CAPN3: variants seen among roughly 807,000 people sequenced by gnomAD.
The protein encoded by CAPN3 is calpain-3.
In CAPN3, 88 loss-of-function variants were observed where a neutral mutation model predicts 114.0. The observed-to-expected ratio is 0.77, with a 90% CI of 0.65 to 0.92. The LOEUF is 0.92. Among genes scored for constraint, CAPN3 ranks in the 40% least tolerant of loss-of-function variants. The pLI is 0.00. For synonymous variants in CAPN3, 386 were observed against 382.9 expected, an observed-to-expected ratio of 1.01 and a Z score of -0.09; for missense variants, 1,028 against 1,069.0, an observed-to-expected ratio of 0.96 and a Z score of 0.53.
intron 1 of CAPN3, among the ~76,000 whole-genome samples, chr15:42,369,151 G>A (rs561819908): frequency 6.6e-6 from 1 of 152,220 alleles, no homozygotes; most frequent in South Asian, 2.1e-4. Context: ...TTGTGGGTTT[G>A]GAATGTCTCT....
At chr15:42,407,595 C>T (rs1258169605) in intron 15 of CAPN3, among the ~76,000 whole-genome samples, 1 of 152,116 alleles carries the variant, frequency 6.6e-6, no homozygotes, top group Non-Finnish European at 1.5e-5. Flanking sequence ...TCCTAAAGTG[C>T]TGGGATTACA....
At chr15:42,389,657 A>G (rs1157152854) in intron 5 of CAPN3, among the ~76,000 whole-genome samples, 2 of 152,194 alleles carry the variant, frequency 1.3e-5, no homozygotes, top group Admixed American at 6.5e-5. Flanking sequence ...CAGTATATTG[A>G]TATGATAATC....
chr15:42,359,819 T>C lies in CAPN3; in HGVS notation c.14T>C (p.Ile5Thr). 1 of 1,613,826 alleles carries C rather than the reference T, an allele frequency of 6.2e-7. No individual in the cohort carries two copies. The change falls in exon 1 of 24, where the codon ATT becomes ACT. Residue 5 changes from isoleucine to threonine, a missense_variant. Physicochemically the swap from Ile to Thr is moderately conservative, Grantham distance 89. Transcript: ENST00000397163. ...AAGCCACTTGCCATGCCGACCGTCATTAGCGCATCTGTGGCTCCAAGGACA... is the reference window on the plus strand; with the variant it reads ...AAGCCACTTGCCATGCCGACCGTCACTAGCGCATCTGTGGCTCCAAGGACA... Reference protein sequence around the residue: MPTVISASVAPRTAA... With the variant: MPTVTSASVAPRTAA...
In CAPN3 at chr15:42,389,113, G is replaced by A; in HGVS notation, c.801+17G>A. The A allele has an allele frequency of 1.2e-6, 2 of 1,613,524 alleles. No homozygotes were observed. The highest frequency in any genetic ancestry group is 8.5e-7 in the Non-Finnish European group (1 of 1,179,694). On this transcript the variant is annotated intron_variant, in intron 5 of 23. Coordinates refer to ENST00000397163, the MANE Select transcript of CAPN3 (RefSeq NM_000070.3). Reference sequence around the variant, plus strand: ...TCCATTGATGTAAGTCTGGGGTGTGGGGCACAGGGTGGGGAGCTCCAAGTG... The same window carrying A: ...TCCATTGATGTAAGTCTGGGGTGTGAGGCACAGGGTGGGGAGCTCCAAGTG...
Position 42,378,716 on chromosome 15 carries a change from C to T in CAPN3, c.310-5767C>T, listed in dbSNP as rs537440210. ...GCTTAAGTATCTCTTCTATAGTGTA[C>T]TAAGATGGAATATTGCTTATTGATT... On this transcript the variant is annotated intron_variant, in intron 1 of 23. Transcript: ENST00000397163. 2.0e-5 allele frequency among the ~76,000 whole-genome samples: 3 copies of T among 151,998 alleles called. No homozygotes were observed. The East Asian group carries it at 5.8e-4, about 29-fold the overall frequency.
chr15:42,383,044 T>C (rs1387064996), intron 1 of CAPN3, among the ~76,000 whole-genome samples: 1 of 152,202 alleles, frequency 6.6e-6, no homozygotes, highest in Non-Finnish European at 1.5e-5. Context: ...GGTAAACGTT[T>C]TTGAAAACGA....
chr15:42,403,619 G>A (rs917534475), intron 13 of CAPN3, 122 bp from the exon 14 acceptor site: 1 of 886,294 alleles, frequency 1.1e-6, no homozygotes, highest in Non-Finnish European at 1.9e-6. Flanking sequence ...GGTGTTCCAG[G>A]GGTTCTCTAG....
intron 14 of CAPN3, among the ~76,000 whole-genome samples, chr15:42,405,303 ATTAT>A (rs1353561114): frequency 6.6e-6 from 1 of 151,992 alleles, no homozygotes; most frequent in South Asian, 2.1e-4. Context: ...TCATTTTTTT[ATTAT>A]TTATTTATTT....
chr15:42,412,224 G>A lies in CAPN3; in HGVS notation c.*451G>A. ...CTGCTGTGGGGTAAACTAACTCAGT[G>A]GAATAGGGCTGGTTACTTTGGGCTG... On this transcript the variant is annotated 3_prime_UTR_variant, in exon 24 of 24. Transcript: ENST00000397163. 1.3e-6 allele frequency: 2 copies of A among 1,525,084 alleles called. No individual in the cohort carries two copies. The highest frequency in any genetic ancestry group is 4.9e-5 in the East Asian group (2 of 40,864). 94.5% of individuals were successfully genotyped at this position (1,525,084 alleles called of 1,614,324 possible). A position where few individuals can be genotyped will look rare whatever the true frequency, so the allele number is the denominator to read the frequency against.
chr15:42,388,253 T>A (rs1405133715), intron 4 of CAPN3, among the ~76,000 whole-genome samples: 1 of 152,214 alleles, frequency 6.6e-6, no homozygotes, highest in Non-Finnish European at 1.5e-5. Flanking sequence ...AGCAGATTTA[T>A]AAAGCCATGT....
chr15:42,373,895 G>A (rs1167496304), intron 1 of CAPN3, among the ~76,000 whole-genome samples: 1 of 152,178 alleles, frequency 6.6e-6, no homozygotes, highest in African/African-American at 2.4e-5. Context: ...CCATGCTATA[G>A]CCCTTTGATC....
intron 14 of CAPN3, chr15:42,404,152 G>C (rs1370036211): frequency 2.2e-6 from 1 of 463,158 alleles, no homozygotes; most frequent in Non-Finnish European, 4.3e-6. Flanking sequence ...GCTGGTGCCG[G>C]ACCTGGTGTT....
chr15:42,381,623 C>A (rs1483986510), intron 1 of CAPN3, among the ~76,000 whole-genome samples: 1 of 152,166 alleles, frequency 6.6e-6, no homozygotes. Flanking sequence ...TCACTGCAAC[C>A]TCTGCCTTCA....
At chr15:42,394,004 C>G (rs1199992986) in intron 7 of CAPN3, among the ~76,000 whole-genome samples, 1 of 152,074 alleles carries the variant, frequency 6.6e-6, no homozygotes, top group Non-Finnish European at 1.5e-5. Flanking sequence ...GCAGGATGTT[C>G]CTGAGAAAAT....
chr15:42,397,381 C>T (rs1431456665), intron 9 of CAPN3, among the ~76,000 whole-genome samples: 1 of 152,212 alleles, frequency 6.6e-6, no homozygotes, highest in African/African-American at 2.4e-5. Context: ...GTGGCTCACG[C>T]CTGTAATCCC....
chr15:42,369,741 C>A (rs1340592486), intron 1 of CAPN3, among the ~76,000 whole-genome samples: 1 of 152,098 alleles, frequency 6.6e-6, no homozygotes, highest in East Asian at 1.9e-4. Context: ...TGGAATGAAT[C>A]ATTTCTTCAA....
rs2054085839 is a variant in CAPN3 at position 42,408,272 on chromosome 15, CAG to C, written c.1865_1866del (p.Glu622GlyfsTer9). On this transcript the variant is annotated frameshift_variant, in exon 16 of 24. Transcript: ENST00000397163. LOFTEE classifies it high-confidence loss of function. Reference sequence around the variant, plus strand: ...AAGGAGCTGGGTGTGGACCAGGAGTCAGAGGAGGGCAAAGGCAAAACAAGCCC... The same window carrying C: ...AAGGAGCTGGGTGTGGACCAGGAGTCAGGAGGGCAAAGGCAAAACAAGCCC... The C allele has an allele frequency of 3.1e-6, 5 of 1,613,768 alleles. No individual in the cohort carries two copies. The highest frequency in any genetic ancestry group is 3.4e-6 in the Non-Finnish European group (4 of 1,179,878).
intron 4 of CAPN3, 147 bp downstream of exon 4, chr15:42,388,033 G>A (rs969377114): frequency 1.0e-5 from 9 of 881,252 alleles, no homozygotes; most frequent in African/African-American, 9.9e-5. Context: ...CCCAAAGTTA[G>A]AGATCAGTTC....
Position 42,405,491 on chromosome 15 carries a change from T to A in CAPN3, c.1783-435T>A, listed in dbSNP as rs564554038. Among the ~76,000 whole-genome samples, 12 of 152,186 alleles carry A rather than the reference T, an allele frequency of 7.9e-5. No homozygotes were observed. The South Asian group carries it at 2.5e-3, about 32-fold the overall frequency. On this transcript the variant is annotated intron_variant, in intron 14 of 23. Transcript: ENST00000397163. ...ACGCCTGGATAATTTTTGTATTTTT[T>A]AGTCGAGATGGGGTTTCACCATGTT...
Sources: gnomAD v4.1 joint callset for allele counts (sites outside exome capture counted in the v4.1 genomes callset) on GRCh38, gnomAD v4.1.1 for gene constraint, MANE v1.5 for transcripts, NCBI Gene and HGNC (gene_info 2026-07-23, HGNC 2026-07-21) for gene names.